STAU1: variants seen among roughly 807,000 people sequenced by gnomAD.
STAU1 encodes double-stranded RNA-binding protein Staufen homolog 1.
In STAU1, 13 loss-of-function variants were observed where a neutral mutation model predicts 62.9. The ratio of observed to expected loss-of-function variants is 0.21; its 90% CI spans 0.13 to 0.33. The LOEUF (loss-of-function observed/expected upper bound fraction) is 0.33. Among genes scored for constraint, STAU1 ranks in the 10% least tolerant of loss-of-function variants. The pLI, the probability that STAU1 is intolerant of heterozygous loss-of-function variation, is 1.00. For synonymous variants in STAU1, 269 were observed against 265.1 expected (o/e 1.01, Z -0.14); for missense variants, 571 against 712.1 (o/e 0.80, Z 2.25).
chr20:49,143,832 C>A (rs1034971749), intron 5 of STAU1, among the ~76,000 whole-genome samples: 1 of 152,154 alleles, frequency 6.6e-6, no homozygotes, highest in Non-Finnish European at 1.5e-5. Flanking sequence ...CCCAATGTTT[C>A]TAATTTGGAA....
At chr20:49,156,924 T>TA (rs2093368104) in intron 3 of STAU1, among the ~76,000 whole-genome samples, 1 of 151,782 alleles carries the variant, frequency 6.6e-6, no homozygotes, top group Admixed American at 6.6e-5. Context: ...GTCCCCAGGT[T>TA]AGAGTGCAGT....
chr20:49,144,284 C>T (rs35792234), intron 5 of STAU1, among the ~76,000 whole-genome samples: 3 of 63,538 alleles, frequency 4.7e-5, no homozygotes, highest in African/African-American at 1.8e-4. Flanking sequence ...TGTTGTCACA[C>T]GTACTTTTTT....
intron 3 of STAU1, among the ~76,000 whole-genome samples, chr20:49,162,435 C>T (rs1416698135): frequency 6.6e-6 from 1 of 152,098 alleles, no homozygotes; most frequent in Non-Finnish European, 1.5e-5. Context: ...GTGGGGGTGG[C>T]ATGGAAGATG....
At chr20:49,151,255 T>C (rs1267920143) in intron 5 of STAU1, among the ~76,000 whole-genome samples, 1 of 152,136 alleles carries the variant, frequency 6.6e-6, no homozygotes, top group Non-Finnish European at 1.5e-5. Flanking sequence ...GCAAGCATAA[T>C]CTTGAGCACC....
In STAU1 at chr20:49,115,816, C is replaced by G. The variant is rs146411108; in HGVS notation, c.1684G>C (p.Glu562Gln). Residue 562 changes from glutamate to glutamine, a missense_variant, in exon 13 of 14, where the codon GAG becomes CAG. Glu to Gln is a conservative substitution (Grantham distance 29). Transcript: ENST00000371856. ...LLSELDQQST[E>Q]MPRTGNGPMS... ...GGTCCGTTTCCTGTTCTTGGCATCT[C>G]TGTACTTTGTTGGTCCAACTCAGAC... The G allele has an allele frequency of 2.5e-6, 4 of 1,614,126 alleles. No individual in the cohort carries two copies. The highest frequency in any genetic ancestry group is 1.1e-5 in the South Asian group (1 of 91,080).
the STAU1 span, among the ~76,000 whole-genome samples, chr20:49,196,623 C>T: frequency 1.3e-5 from 2 of 150,512 alleles, no homozygotes; most frequent in Non-Finnish European, 3.0e-5. Flanking sequence ...AAAAATAGCC[C>T]GGCGTGGTGG....
At chr20:49,202,227 A>AT in the STAU1 span, among the ~76,000 whole-genome samples, 4 of 136,066 alleles carry the variant, frequency 2.9e-5, no homozygotes, top group African/African-American at 1.1e-4. Context: ...CTCAAAAAAA[A>AT]AAAAAAGAAA....
the STAU1 span, among the ~76,000 whole-genome samples, chr20:49,216,523 T>C: frequency 6.7e-6 from 1 of 149,208 alleles, no homozygotes; most frequent in Non-Finnish European, 1.5e-5. Context: ...GTGAGACTCA[T>C]CTCAAAAAAT....
chr20:49,183,166 A>C lies in STAU1; in HGVS notation c.-160+4950T>G, dbSNP rs149225476. On this transcript the variant is annotated intron_variant, in intron 1 of 13. Transcript: ENST00000371856. The stretch of plus-strand genomic sequence containing the variant: ...AACCACAAATGTCTCCATCACCAGA[A>C]GTCAATGTAAAATAACCTGTTATAG... 1.4e-4 allele frequency among the ~76,000 whole-genome samples: 21 copies of C among 152,340 alleles called. 2 individuals are homozygous for C. Among genetic ancestry groups the C allele is most frequent in the African/African-American group, 5.1e-4 (21 of 41,584 alleles).
At chr20:49,209,124 C>T in the STAU1 span, among the ~76,000 whole-genome samples, 9 of 150,884 alleles carry the variant, frequency 6.0e-5, no homozygotes, top group African/African-American at 1.7e-4. Flanking sequence ...TTAGAAGAGA[C>T]GGGTTTCATC....
At chr20:49,134,369 T>C in intron 6 of STAU1, 1 of 448,588 alleles carries the variant, frequency 2.2e-6, no homozygotes, top group South Asian at 2.2e-5. Context: ...AGGTGGAGGT[T>C]GCAGTGAGCC....
At chr20:49,135,501 G>C (rs1031318171) in intron 6 of STAU1, among the ~76,000 whole-genome samples, 3 of 152,142 alleles carry the variant, frequency 2.0e-5, no homozygotes, top group Non-Finnish European at 4.4e-5. Flanking sequence ...TTTTGAGACT[G>C]ATCTAAGTGA....
Position 49,134,820 on chromosome 20 carries a change from A to G in STAU1, c.609+1013T>C, listed in dbSNP as rs2092838310. Reference sequence around the variant, plus strand: ...CCTGGAGAGCCTGGTTTTCCACTTCACGCAATTTATACCAAACCTGCAAAC... The same window carrying G: ...CCTGGAGAGCCTGGTTTTCCACTTCGCGCAATTTATACCAAACCTGCAAAC... On this transcript the variant is annotated intron_variant, in intron 6 of 13. Transcript: ENST00000371856. The G allele has an allele frequency of 4.2e-6, 6 of 1,438,740 alleles. No homozygotes were observed. The East Asian group carries it at 1.1e-4, about 27-fold the overall frequency. 89.1% of individuals were successfully genotyped at this position (1,438,740 alleles called of 1,614,324 possible). A position where few individuals can be genotyped will look rare whatever the true frequency, so the allele number is the denominator to read the frequency against.
At chr20:49,171,308 T>A (rs1189444436) in intron 2 of STAU1, among the ~76,000 whole-genome samples, 1 of 152,250 alleles carries the variant, frequency 6.6e-6, no homozygotes, top group African/African-American at 2.4e-5. Flanking sequence ...TTATTTATTT[T>A]TATTGAGACG....
In STAU1 at chr20:49,175,246, G is replaced by T. The variant is rs548154175; in HGVS notation, c.-159-977C>A. On this transcript the variant is annotated intron_variant, in intron 1 of 13. Coordinates refer to ENST00000371856, the MANE Select transcript of STAU1 (RefSeq NM_017453.4). ...CTTGGGAGGCTGTGGCACAAAAATG[G>T]CTTGAATGCAGGAGGCAGAGGTTGC... Among the ~76,000 whole-genome samples, 144 of 152,004 alleles carry T rather than the reference G, an allele frequency of 9.5e-4. 1 individual carries two copies. Among genetic ancestry groups the T allele is most frequent in the South Asian group, 9.3e-3 (45 of 4,816 alleles).
rs1445175982 is a variant in STAU1, at chr20:49,113,608, G to A, written c.*1270C>T. The A allele has an allele frequency of 6.6e-6, 1 of 152,570 alleles. No homozygotes were observed. Among genetic ancestry groups the A allele is most frequent in the East Asian group, 1.9e-4 (1 of 5,196 alleles). 9.5% of individuals were successfully genotyped at this position (152,570 alleles called of 1,614,324 possible). On this transcript the variant is annotated 3_prime_UTR_variant, in exon 14 of 14. Transcript: ENST00000371856. ...AAAATTCCAGCGTAAACAATGAATG[G>A]AAGCAGTACTTAACTCGCAGGGCTA...
chr20:49,207,189 G>A, the STAU1 span, among the ~76,000 whole-genome samples: 1 of 151,884 alleles, frequency 6.6e-6, no homozygotes, highest in African/African-American at 2.4e-5. Flanking sequence ...TTATGCCCCT[G>A]CCTTCCAGCC....
intron 5 of STAU1, among the ~76,000 whole-genome samples, chr20:49,143,110 T>C (rs1301745521): frequency 6.6e-6 from 1 of 152,070 alleles, no homozygotes; most frequent in Admixed American, 6.6e-5. Context: ...TCATTAAAAA[T>C]TTCCTATTAT....
chr20:49,131,961 T>G (rs1286274111), intron 6 of STAU1, among the ~76,000 whole-genome samples: 2 of 152,134 alleles, frequency 1.3e-5, no homozygotes, highest in African/African-American at 4.8e-5. Flanking sequence ...TAGATAGATT[T>G]GAAATTTTTG....
Sources: allele counts gnomAD v4.1 joint callset (sites outside exome capture counted in the v4.1 genomes callset), GRCh38; gene constraint gnomAD v4.1.1; transcripts MANE v1.5; gene names NCBI Gene and HGNC (gene_info 2026-07-23, HGNC 2026-07-21).